NMNAT3: variants seen among roughly 807,000 people sequenced by gnomAD.
NMNAT3 encodes the protein nicotinamide nucleotide adenylyltransferase 3.
NMNAT3 carries 21 observed loss-of-function variants against 24.8 expected under a neutral mutation model. The observed-to-expected ratio is 0.85, with a 90% CI of 0.60 to 1.22. The LOEUF (loss-of-function observed/expected upper bound fraction) is 1.22, where lower values mean the gene tolerates loss of function less well. Ranked by LOEUF, NMNAT3 falls within the 50% of genes most tolerant of loss-of-function variation. NMNAT3 has a pLI of 0.00. For synonymous variants in NMNAT3, 136 were observed against 155.2 expected (o/e 0.88, Z 0.92); for missense variants, 387 against 436.6 (o/e 0.89, Z 1.01).
intron 5 of NMNAT3, among the ~76,000 whole-genome samples, chr3:139,576,847 G>A (rs1296825590): frequency 1.3e-5 from 2 of 151,998 alleles, no homozygotes; most frequent in African/African-American, 2.4e-5. Flanking sequence ...GCCTGAGGTC[G>A]GAGTTGGAGA....
chr3:139,599,675 C>T (rs560126456), intron 3 of NMNAT3, among the ~76,000 whole-genome samples: 1 of 152,298 alleles, frequency 6.6e-6, no homozygotes, highest in Admixed American at 6.5e-5. Context: ...GCTACTGAGA[C>T]TTTGAGGCCA....
intron 1 of NMNAT3, among the ~76,000 whole-genome samples, chr3:139,642,478 G>A (rs757186682): frequency 4.6e-5 from 7 of 152,232 alleles, no homozygotes; most frequent in Non-Finnish European, 8.8e-5. Context: ...AGGCCTTGGT[G>A]TATGGGGCCT....
At chr3:139,614,797 A>G (rs1448119541) in intron 3 of NMNAT3, among the ~76,000 whole-genome samples, 1 of 152,220 alleles carries the variant, frequency 6.6e-6, no homozygotes. Flanking sequence ...CTGTGGAATT[A>G]ATCAGTCTAT....
rs1559927065 is a variant in NMNAT3, at chr3:139,627,648, A to G, written c.77T>C (p.Phe26Ser). ...GTGTAGGTGATCTCTGGCCACCTCAAACATGCGCAGGTGCATGTTGGTGAT... is the reference window on the plus strand; with the variant it reads ...GTGTAGGTGATCTCTGGCCACCTCAGACATGCGCAGGTGCATGTTGGTGAT... Residue 26 changes from phenylalanine (F) to serine (S), a missense_variant, in exon 3 of 7, where the codon TTT becomes TCT. By Grantham distance (155) the Phe-to-Ser change is radical (BLOSUM62 -2). Coordinates refer to ENST00000643695, the MANE Select transcript of NMNAT3 (RefSeq NM_001320510.2). 5.6e-6 allele frequency: 9 copies of G among 1,594,456 alleles called. No individual in the cohort carries two copies. Among genetic ancestry groups the G allele is most frequent in the Non-Finnish European group, 7.6e-6 (9 of 1,177,616 alleles).
At chr3:139,655,051 A>G (rs1364893924) in intron 1 of NMNAT3, among the ~76,000 whole-genome samples, 7 of 152,198 alleles carry the variant, frequency 4.6e-5, no homozygotes, top group African/African-American at 1.7e-4. Flanking sequence ...AAGAAGTAAC[A>G]GATGTTTTGA....
At chr3:139,628,062 C>T (rs1222801293) in intron 2 of NMNAT3, among the ~76,000 whole-genome samples, 1 of 152,180 alleles carries the variant, frequency 6.6e-6, no homozygotes, top group African/African-American at 2.4e-5. Context: ...TCCCAGAACC[C>T]ATGTTCTATT....
intron 1 of NMNAT3, among the ~76,000 whole-genome samples, chr3:139,641,825 G>A (rs2056713218): frequency 2.6e-5 from 4 of 152,214 alleles, no homozygotes; most frequent in Admixed American, 2.6e-4. Context: ...CCTTCTTGCA[G>A]CACAGCAATT....
chr3:139,667,886 A>G (rs2057634277), intron 1 of NMNAT3, among the ~76,000 whole-genome samples: 1 of 152,222 alleles, frequency 6.6e-6, no homozygotes, highest in South Asian at 2.1e-4. Flanking sequence ...TCTAGAACAA[A>G]CAAAACATGC....
intron 1 of NMNAT3, among the ~76,000 whole-genome samples, chr3:139,662,201 G>T (rs148171942): frequency 4.5e-4 from 68 of 152,258 alleles, no homozygotes; most frequent in African/African-American, 1.5e-3. Flanking sequence ...AGTAGCCAGT[G>T]AATGCCGGTT....
At chr3:139,674,636 T>C (rs192471180) in intron 1 of NMNAT3, among the ~76,000 whole-genome samples, 1 of 152,210 alleles carries the variant, frequency 6.6e-6, no homozygotes, top group South Asian at 2.1e-4. Flanking sequence ...CTTAGTCAAG[T>C]GCTTTAAGTA....
chr3:139,648,083 TCAC>T (rs1368144086), intron 1 of NMNAT3, among the ~76,000 whole-genome samples: 1 of 152,212 alleles, frequency 6.6e-6, no homozygotes, highest in Non-Finnish European at 1.5e-5. Flanking sequence ...TGAATTGTAA[TCAC>T]CACATGTTGA....
chr3:139,622,332 A>G (rs2055813200), intron 3 of NMNAT3, among the ~76,000 whole-genome samples: 1 of 152,096 alleles, frequency 6.6e-6, no homozygotes, highest in South Asian at 2.1e-4. Context: ...TCTGATGATT[A>G]GTAATGTTTA....
intron 3 of NMNAT3, among the ~76,000 whole-genome samples, chr3:139,616,128 C>G (rs1205410187): frequency 6.6e-6 from 1 of 152,140 alleles, no homozygotes; most frequent in African/African-American, 2.4e-5. Flanking sequence ...TTCAACAAAG[C>G]CATTCTCCTA....
chr3:139,592,823 T>C lies in NMNAT3; in HGVS notation c.110-9615A>G, dbSNP rs1354010576. ...CTAAAAGAGCTCCTGAAGGAAGCAC[T>C]AAACATGGAAAGGAACAACGGGTAC... On this transcript the variant is annotated intron_variant, in intron 3 of 6. Coordinates refer to ENST00000643695, the MANE Select transcript of NMNAT3 (RefSeq NM_001320510.2). Among the ~76,000 whole-genome samples the C allele has an allele frequency of 3.9e-5, 6 of 152,064 alleles. No homozygotes were observed. In the East Asian group the frequency reaches 9.6e-4, roughly 24 times the overall value.
chr3:139,591,659 C>T (rs1477094362), intron 3 of NMNAT3, among the ~76,000 whole-genome samples: 3 of 152,218 alleles, frequency 2.0e-5, no homozygotes, highest in African/African-American at 7.2e-5. Flanking sequence ...GGGTCCCTGA[C>T]CCCTGACCCC....
intron 6 of NMNAT3, 132 bp from the exon 7 acceptor site, chr3:139,561,524 G>T: frequency 2.4e-6 from 2 of 828,318 alleles, no homozygotes; most frequent in South Asian, 1.9e-5. Context: ...TTCATGACTT[G>T]AAAAGAAAAA....
At chr3:139,650,339 A>G (rs913256532) in intron 1 of NMNAT3, among the ~76,000 whole-genome samples, 1 of 152,256 alleles carries the variant, frequency 6.6e-6, no homozygotes, top group African/African-American at 2.4e-5. Context: ...TTACAAAAAT[A>G]CATAGATTGG....
At chr3:139,591,523 GACAA>G (rs879777065) in intron 3 of NMNAT3, among the ~76,000 whole-genome samples, 620 of 152,280 alleles carry the variant, frequency 4.1e-3, no homozygotes, top group Non-Finnish European at 7.2e-3. Context: ...GCAGGGTACA[GACAA>G]ACAAAAAGAC....
chr3:139,675,131 A>AACACACACACACACACACAAACAC lies in NMNAT3; in HGVS notation c.-141+2573_-141+2574insGTGTTTGTGTGTGTGTGTGTGTGT, dbSNP rs1397817305. On this transcript the variant is annotated intron_variant, in intron 1 of 6. Coordinates refer to ENST00000643695, the MANE Select transcript of NMNAT3 (RefSeq NM_001320510.2). ...TTTCCTTACCTTCGTATTCCTTTTA[A>AACACACACACACACACACAAACAC]ACATACACACACACACACACACACA... 3.2e-4 allele frequency among the ~76,000 whole-genome samples: 8 copies of AACACACACACACACACACAAACAC among 25,122 alleles called. 1 individual carries two copies. In the Admixed American group the frequency reaches 3.5e-3, roughly 11 times the overall value. 16.5% of individuals were successfully genotyped at this position (25,122 alleles called of 152,430 possible).
Sources: allele counts gnomAD v4.1 joint callset (sites outside exome capture counted in the v4.1 genomes callset), GRCh38; gene constraint gnomAD v4.1.1; transcripts MANE v1.5; gene names NCBI Gene and HGNC (gene_info 2026-07-23, HGNC 2026-07-21).